TRIM61: variants seen among roughly 807,000 people sequenced by gnomAD.
The protein encoded by TRIM61 is putative tripartite motif-containing protein 61.
In TRIM61, 1 loss-of-function variant was observed where a neutral mutation model predicts 14.2. The observed-to-expected ratio is 0.07, with a 90% CI of 0.03 to 0.33. The LOEUF is 0.33. Ranked by LOEUF, TRIM61 falls within the 10% of genes least tolerant of loss-of-function variation. TRIM61 has a pLI of 0.99. For missense variants in TRIM61, 19 were observed against 202.2 expected, an observed-to-expected ratio of 0.09 and a Z score of 5.49; for synonymous variants, 8 against 71.6, an observed-to-expected ratio of 0.11 and a Z score of 4.49.
In TRIM61 at chr4:164,955,028, G is replaced by A. The variant is rs2111125848; in HGVS notation, c.594C>T (p.Leu198=). The A allele has an allele frequency of 3.5e-6, 1 of 282,946 alleles. No homozygotes were observed. Among genetic ancestry groups the A allele is most frequent in the East Asian group, 1.6e-4 (1 of 6,184 alleles). 17.5% of individuals were successfully genotyped at this position (282,946 alleles called of 1,614,324 possible). Residue 198 remains leucine, a synonymous_variant, in exon 4 of 5, where the codon CTC becomes CTT. Coordinates refer to ENST00000329314, the MANE Select transcript of TRIM61 (RefSeq NM_001012414.3). ...AGGCAGAAGAATCGCTTGATCCCGG[G>A]AGGCGGAGGTTGAAGTGAGCCGAGA...
chr4:164,973,112 A>G (rs1276054757), intron 2 of TRIM61, among the ~76,000 whole-genome samples: 2 of 152,194 alleles, frequency 1.3e-5, no homozygotes, highest in Non-Finnish European at 2.9e-5. Context: ...GACTCAGCCC[A>G]AGACACATGT....
intron 2 of TRIM61, among the ~76,000 whole-genome samples, chr4:164,973,228 T>A (rs1009966400): frequency 2.0e-5 from 3 of 152,216 alleles, no homozygotes; most frequent in African/African-American, 7.2e-5. Flanking sequence ...GGAGCTATTA[T>A]CCTCAATTAG....
intron 2 of TRIM61, among the ~76,000 whole-genome samples, chr4:164,970,959 G>A (rs1732351475): frequency 1.3e-5 from 2 of 152,088 alleles, no homozygotes; most frequent in African/African-American, 2.4e-5. Flanking sequence ...AAATTAGCTG[G>A]GCATGGTGGC....
At chr4:164,969,242 T>A in intron 3 of TRIM61, 1 of 1,389,722 alleles carries the variant, frequency 7.2e-7, no homozygotes, top group African/African-American at 1.5e-5. Context: ...GTGATAGATA[T>A]CCTTAACATT....
chr4:164,977,244 C>G (rs1386482844), intron 1 of TRIM61, among the ~76,000 whole-genome samples: 1 of 152,162 alleles, frequency 6.6e-6, no homozygotes, highest in African/African-American at 2.4e-5. Context: ...ACTCCCCAAC[C>G]CCCACTCCCA....
intron 3 of TRIM61, 119 bp downstream of exon 3, chr4:164,968,162 G>C: frequency 1.0e-6 from 1 of 984,188 alleles, no homozygotes; most frequent in Non-Finnish European, 1.2e-6. Context: ...GGGGAGAAGA[G>C]GAAAAAGAAA....
At chr4:164,971,590 CAAA>C (rs75634308) in intron 2 of TRIM61, among the ~76,000 whole-genome samples, 6 of 64,354 alleles carry the variant, frequency 9.3e-5, no homozygotes, top group Non-Finnish European at 1.0e-4. Context: ...AACTCTGTCT[CAAA>C]AAAAAAAAAA....
chr4:164,973,033 C>G (rs929538322), intron 2 of TRIM61, among the ~76,000 whole-genome samples: 1 of 152,176 alleles, frequency 6.6e-6, no homozygotes, highest in Non-Finnish European at 1.5e-5. Context: ...CTCTTCTGCA[C>G]AAACCACTTT....
intron 3 of TRIM61, chr4:164,956,924 G>A: frequency 1.7e-6 from 2 of 1,195,078 alleles, no homozygotes; most frequent in Non-Finnish European, 2.3e-6. Flanking sequence ...AGCAGTGATT[G>A]GGTGCGGCCG....
At chr4:164,966,435 A>G (rs1732239085) in intron 3 of TRIM61, among the ~76,000 whole-genome samples, 1 of 152,198 alleles carries the variant, frequency 6.6e-6, no homozygotes, top group Non-Finnish European at 1.5e-5. Context: ...TAATACTTCA[A>G]ACTGAAAAAT....
At chr4:164,956,630 G>C (rs1731995429) in intron 3 of TRIM61, among the ~76,000 whole-genome samples, 1 of 152,092 alleles carries the variant, frequency 6.6e-6, no homozygotes, top group African/African-American at 2.4e-5. Flanking sequence ...TTAATAAGCT[G>C]TTCAGTGGGA....
intron 3 of TRIM61, chr4:164,968,727 C>A (rs1033271523): frequency 1.0e-6 from 1 of 982,190 alleles, no homozygotes; most frequent in Non-Finnish European, 1.2e-6. Context: ...AAGGAAACTT[C>A]ATTCATTTCA....
intron 2 of TRIM61, among the ~76,000 whole-genome samples, chr4:164,975,588 C>T (rs1232258628): frequency 2.0e-5 from 3 of 152,136 alleles, no homozygotes; most frequent in Non-Finnish European, 4.4e-5. Context: ...CTGTGCAGGA[C>T]GTGCCTTGTT....
At chr4:164,971,851 A>G (rs1430275985) in intron 2 of TRIM61, among the ~76,000 whole-genome samples, 1 of 151,658 alleles carries the variant, frequency 6.6e-6, no homozygotes, top group Admixed American at 6.6e-5. Flanking sequence ...TTTCCCCTTC[A>G]CCTCCTTTCC....
chr4:164,957,402 G>A, intron 3 of TRIM61: 1 of 1,614,082 alleles, frequency 6.2e-7, no homozygotes, highest in African/African-American at 1.3e-5. Flanking sequence ...GTCAGGAAGA[G>A]AACCACCATC....
At position 164,956,570 on chromosome 4, in the gene TRIM61, T is replaced by A. The variant is rs57190494; in HGVS notation, c.526-1474A>T. On this transcript the variant is annotated intron_variant, in intron 3 of 4. Transcript: ENST00000329314. ...TATATTTCATCTTATAATTTCATTA[T>A]TTATTCCCTAAAAGACAATATCTCA... Among the ~76,000 whole-genome samples, 1,305 of 152,330 alleles carry A rather than the reference T, an allele frequency of 8.6e-3. 18 individuals carry two copies. The highest frequency in any genetic ancestry group is 0.029 in the African/African-American group (1,218 of 41,564).
At chr4:164,958,113 A>G (rs1732056497) in intron 3 of TRIM61, 1 of 167,160 alleles carries the variant, frequency 6.0e-6, no homozygotes, top group Non-Finnish European at 1.5e-5. Flanking sequence ...CAGGAGGAAG[A>G]GAAAGAGGAC....
At chr4:164,971,100 C>T (rs1732354637) in intron 2 of TRIM61, among the ~76,000 whole-genome samples, 2 of 151,976 alleles carry the variant, frequency 1.3e-5, no homozygotes, top group South Asian at 2.1e-4. Flanking sequence ...AACTCTATCT[C>T]CCCCCTCAAA....
At chr4:164,977,103 T>C (rs1732498326) in intron 1 of TRIM61, among the ~76,000 whole-genome samples, 1 of 152,110 alleles carries the variant, frequency 6.6e-6, no homozygotes. Flanking sequence ...AAGCGCCTCA[T>C]CTACAAAGTT....
Sources: gnomAD v4.1 joint callset for allele counts (sites outside exome capture counted in the v4.1 genomes callset) on GRCh38, gnomAD v4.1.1 for gene constraint, MANE v1.5 for transcripts, NCBI Gene and HGNC (gene_info 2026-07-23, HGNC 2026-07-21) for gene names.